Variants in MEI4 observed in about 807,000 individuals in gnomAD.
The protein encoded by MEI4 is meiotic double-stranded break formation protein 4, also known as meiosis-specific protein MEI4.
Under a neutral mutation model 31.4 loss-of-function variants are expected in MEI4, and 27 were observed. The observed-to-expected ratio is 0.86, with a 90% CI of 0.63 to 1.19. The LOEUF (loss-of-function observed/expected upper bound fraction) is 1.19, where lower values mean the gene tolerates loss of function less well. Among genes scored for constraint, MEI4 ranks in the 50% most tolerant of loss-of-function variants. MEI4 has a pLI of 0.00. For synonymous variants in MEI4, 122 were observed against 145.4 expected (o/e 0.84, Z 1.16); for missense variants, 329 against 398.9 (o/e 0.82, Z 1.49).
In MEI4 at chr6:77,927,021, ACT is replaced by A. The variant is rs1212327164; in HGVS notation, c.*3677_*3678del. 6.6e-6 allele frequency: 1 copy of A among 151,886 alleles called. No individual in the cohort carries two copies. The highest frequency in any genetic ancestry group is 1.5e-5 in the Non-Finnish European group (1 of 67,890). The allele number at this position is 151,886 out of a possible 1,614,324, so 9.4% of individuals were successfully genotyped here. A position where few individuals can be genotyped will look rare whatever the true frequency, so the allele number is the denominator to read the frequency against. On this transcript the variant is annotated 3_prime_UTR_variant, in exon 5 of 5. Transcript: ENST00000684080. Reference sequence around the variant, plus strand: ...AGAGTATTACAAACATAAAAAATAAACTCAGCCTCTTTTTTGTTTCTTAATAT... The same window carrying A: ...AGAGTATTACAAACATAAAAAATAAACAGCCTCTTTTTTGTTTCTTAATAT...
intron 2 of MEI4, among the ~76,000 whole-genome samples, chr6:77,745,745 A>C (rs1767580735): frequency 1.3e-5 from 2 of 152,176 alleles, no homozygotes; most frequent in African/African-American, 4.8e-5. Context: ...GCAAATGTAA[A>C]AGAACAGAAA....
At chr6:77,862,580 G>A (rs1389394875) in intron 4 of MEI4, among the ~76,000 whole-genome samples, 1 of 152,206 alleles carries the variant, frequency 6.6e-6, no homozygotes, top group African/African-American at 2.4e-5. Flanking sequence ...GCAGCCCAGA[G>A]CTCTAACTGG....
intron 4 of MEI4, among the ~76,000 whole-genome samples, chr6:77,854,079 T>C (rs972195231): frequency 5.9e-5 from 9 of 152,196 alleles, no homozygotes; most frequent in Non-Finnish European, 4.4e-5. Flanking sequence ...ATAAGCCATA[T>C]GGTTTTTGAA....
chr6:77,707,656 C>T (rs1766362435), intron 2 of MEI4, among the ~76,000 whole-genome samples: 1 of 152,164 alleles, frequency 6.6e-6, no homozygotes, highest in Admixed American at 6.5e-5. Flanking sequence ...GGAGACAGCC[C>T]CTTCCATCAC....
At chr6:77,771,358 G>C (rs186350453) in intron 3 of MEI4, among the ~76,000 whole-genome samples, 1 of 151,978 alleles carries the variant, frequency 6.6e-6, no homozygotes, top group African/African-American at 2.4e-5. Context: ...AATTAATTCA[G>C]CCATTGTGGA....
At chr6:77,873,804 G>C (rs368306287) in intron 4 of MEI4, among the ~76,000 whole-genome samples, 44,460 of 151,836 alleles carry the variant, frequency 0.29, 7,015 homozygotes, top group South Asian at 0.38. Flanking sequence ...AAGGGATCCA[G>C]TTTCAGCTTT....
intron 3 of MEI4, among the ~76,000 whole-genome samples, chr6:77,780,246 T>C (rs1490850132): frequency 6.6e-6 from 1 of 152,122 alleles, no homozygotes; most frequent in African/African-American, 2.4e-5. Context: ...TTAGAGTAGG[T>C]ACAAAGGAAT....
In MEI4 at chr6:77,720,633, A is replaced by G. The variant is rs1766689498; in HGVS notation, c.232+29730A>G. On this transcript the variant is annotated intron_variant, in intron 2 of 4. Coordinates refer to ENST00000684080, the MANE Select transcript of MEI4 (RefSeq NM_001322247.2). Reference sequence around the variant, plus strand: ...GGTGTAAGACTTGACACTGGGTGCAATGTTGTACAATATCTTTTGCCTGTT... The same window carrying G: ...GGTGTAAGACTTGACACTGGGTGCAGTGTTGTACAATATCTTTTGCCTGTT... Among the ~76,000 whole-genome samples the G allele has an allele frequency of 3.1e-5, 4 of 129,714 alleles. No individual in the cohort carries two copies. The South Asian group carries it at 9.7e-4, about 31-fold the overall frequency. The allele number at this position is 129,714 out of a possible 152,430, so 85.1% of individuals were successfully genotyped here.
At chr6:77,817,428 T>C (rs1224979143) in intron 3 of MEI4, among the ~76,000 whole-genome samples, 1 of 152,108 alleles carries the variant, frequency 6.6e-6, no homozygotes, top group African/African-American at 2.4e-5. Context: ...GAGATCTTTA[T>C]GTTTAAACTT....
intron 4 of MEI4, among the ~76,000 whole-genome samples, chr6:77,878,558 C>A (rs1771400306): frequency 6.6e-6 from 1 of 152,046 alleles, no homozygotes; most frequent in Non-Finnish European, 1.5e-5. Context: ...ATGTTAACAT[C>A]CTAAATCATA....
At chr6:77,733,642 A>C (rs1767084280) in intron 2 of MEI4, among the ~76,000 whole-genome samples, 1 of 151,446 alleles carries the variant, frequency 6.6e-6, no homozygotes, top group Non-Finnish European at 1.5e-5. Context: ...TTCTGCTCTG[A>C]TTTTAGTTAT....
At chr6:77,816,068 A>G (rs984874020) in intron 3 of MEI4, among the ~76,000 whole-genome samples, 15 of 152,090 alleles carry the variant, frequency 9.9e-5, no homozygotes, top group African/African-American at 3.6e-4. Flanking sequence ...CATAGTCCCT[A>G]TTTAACATTT....
At chr6:77,825,467 A>C (rs1359915807) in intron 3 of MEI4, among the ~76,000 whole-genome samples, 1 of 152,212 alleles carries the variant, frequency 6.6e-6, no homozygotes, top group Non-Finnish European at 1.5e-5. Context: ...GTCACAGTCT[A>C]ACAGAAATCA....
chr6:77,663,316 A>C (rs1473746702), intron 1 of MEI4, among the ~76,000 whole-genome samples: 3 of 152,020 alleles, frequency 2.0e-5, no homozygotes, highest in Non-Finnish European at 2.9e-5. Flanking sequence ...TGAGTGGGGT[A>C]AGGGTGATTA....
Position 77,923,854 on chromosome 6 carries a change from AAGT to A in MEI4, c.*511_*513del, listed in dbSNP as rs1766775267. On this transcript the variant is annotated 3_prime_UTR_variant, in exon 5 of 5. Transcript: ENST00000684080. ...TTCACCTTAGACGAGAATCATATAG[AAGT>A]AGAACTTTTTTAACATTTGGAAACT... 1 of 151,810 alleles carries A rather than the reference AAGT, an allele frequency of 6.6e-6. No individual in the cohort carries two copies. The highest frequency in any genetic ancestry group is 1.5e-5 in the Non-Finnish European group (1 of 67,854). The allele number at this position is 151,810 out of a possible 1,614,324, so 9.4% of individuals were successfully genotyped here. A position where few individuals can be genotyped will look rare whatever the true frequency, so the allele number is the denominator to read the frequency against.
chr6:77,771,364 G>A (rs1280816712), intron 3 of MEI4, among the ~76,000 whole-genome samples: 1 of 151,976 alleles, frequency 6.6e-6, no homozygotes, highest in East Asian at 1.9e-4. Context: ...TTCAGCCATT[G>A]TGGAAAGTAT....
chr6:77,752,564 T>G (rs201541488), intron 2 of MEI4, among the ~76,000 whole-genome samples: 2 of 151,906 alleles, frequency 1.3e-5, no homozygotes, highest in Non-Finnish European at 2.9e-5. Context: ...ATGTGAAGGA[T>G]CTCTTCAAGG....
chr6:77,910,622 A>T (rs891715436), intron 4 of MEI4, among the ~76,000 whole-genome samples: 6 of 152,152 alleles, frequency 3.9e-5, no homozygotes, highest in African/African-American at 1.4e-4. Context: ...GAAAATGGCC[A>T]TACAGCCCAA....
chr6:77,798,271 A>C lies in MEI4; in HGVS notation c.769-30660A>C, dbSNP rs1769137802. ...AAAAAATAAATGAGAAAAAATGAAA[A>C]AGCAAAACGGCAGGTCTAAATCCTA... On this transcript the variant is annotated intron_variant, in intron 3 of 4. Coordinates refer to ENST00000684080, the MANE Select transcript of MEI4 (RefSeq NM_001322247.2). 3.3e-5 allele frequency among the ~76,000 whole-genome samples: 5 copies of C among 151,786 alleles called. No homozygotes were observed. The South Asian group carries it at 1.0e-3, about 31-fold the overall frequency.
Sources: allele counts gnomAD v4.1 joint callset (sites outside exome capture counted in the v4.1 genomes callset), GRCh38; gene constraint gnomAD v4.1.1; transcripts MANE v1.5; gene names NCBI Gene and HGNC (gene_info 2026-07-23, HGNC 2026-07-21).